DGKH: variants seen among roughly 807,000 people sequenced by gnomAD.
The protein encoded by DGKH is diacylglycerol kinase eta.
Under a neutral mutation model 159.3 loss-of-function variants are expected in DGKH, and 90 were observed. The observed-to-expected ratio is 0.57, with a 90% confidence interval of 0.48 to 0.67. The LOEUF (loss-of-function observed/expected upper bound fraction) is 0.67. Ranked by LOEUF, DGKH falls within the 30% of genes least tolerant of loss-of-function variation. The probability of loss-of-function intolerance (pLI) is 0.00; values close to 1 mark genes in which losing one functional copy is unlikely to be tolerated. For synonymous variants in DGKH, 536 were observed against 553.8 expected (o/e 0.97, Z 0.45); for missense variants, 1,181 against 1,506.1 (o/e 0.78, Z 3.57).
rs908923181 is a variant in DGKH at position 42,109,524 on chromosome 13, T to C, written c.193-17939T>C. Among the ~76,000 whole-genome samples, 3 of 151,934 alleles carry C rather than the reference T, an allele frequency of 2.0e-5. No homozygotes were observed. The South Asian group carries it at 6.2e-4, about 31-fold the overall frequency. Reference sequence around the variant, plus strand: ...AGAGGGCTTAGATTTTTTTGGCAAATGATAGAGAAATATAGAAAGATCTCA... The same window carrying C: ...AGAGGGCTTAGATTTTTTTGGCAAACGATAGAGAAATATAGAAAGATCTCA... On this transcript the variant is annotated intron_variant, in intron 1 of 29. Coordinates refer to ENST00000337343, the MANE Select transcript of DGKH (RefSeq NM_178009.5).
At position 42,091,479 on chromosome 13, in the gene DGKH, C is replaced by G. The variant is rs565108052; in HGVS notation, c.193-35984C>G. Among the ~76,000 whole-genome samples, 3 of 151,922 alleles carry G rather than the reference C, an allele frequency of 2.0e-5. No homozygotes were observed. In the South Asian group the frequency reaches 6.2e-4, roughly 32 times the overall value. On this transcript the variant is annotated intron_variant, in intron 1 of 29. Transcript: ENST00000337343. ...CAATTCAACAAAAATACAAACAACC[C>G]AATTAAAAAAATGGGCAAAGGACTT...
chr13:42,167,217 A>G (rs915996936), intron 9 of DGKH, among the ~76,000 whole-genome samples: 3 of 152,208 alleles, frequency 2.0e-5, no homozygotes, highest in Non-Finnish European at 4.4e-5. Flanking sequence ...TCACTGAGGG[A>G]AAATATACCT....
chr13:42,141,764 A>G (rs1955568626), intron 3 of DGKH, among the ~76,000 whole-genome samples: 1 of 151,864 alleles, frequency 6.6e-6, no homozygotes, highest in Non-Finnish European at 1.5e-5. Flanking sequence ...TTTTCTTGTA[A>G]GTTTGTTGGA....
intron 13 of DGKH, among the ~76,000 whole-genome samples, chr13:42,179,780 C>CAA (rs3039209): frequency 0.24 from 30,391 of 129,108 alleles, 3,967 homozygotes; most frequent in East Asian, 0.42. Flanking sequence ...GATCTTGTCT[C>CAA]AAAAAAAAAA....
At chr13:42,110,249 C>T (rs922665329) in intron 1 of DGKH, among the ~76,000 whole-genome samples, 2 of 152,146 alleles carry the variant, frequency 1.3e-5, no homozygotes, top group Non-Finnish European at 2.9e-5. Flanking sequence ...GTTTCCCATC[C>T]CACCCTTGAC....
intron 1 of DGKH, among the ~76,000 whole-genome samples, chr13:42,080,710 C>CT (rs550843050): frequency 1.0e-3 from 149 of 149,680 alleles, no homozygotes; most frequent in African/African-American, 3.1e-3. Flanking sequence ...GCCTGTCCTA[C>CT]TTTTTTTTTT....
chr13:42,069,321 G>A (rs1593981135), intron 1 of DGKH: 1 of 1,211,508 alleles, frequency 8.3e-7, no homozygotes, highest in South Asian at 1.4e-5. Context: ...GTCCCAAGAA[G>A]ATGGGTACAA....
intron 13 of DGKH, among the ~76,000 whole-genome samples, chr13:42,186,049 GTA>G (rs200140019): frequency 0.014 from 1,652 of 119,292 alleles, 12 homozygotes; most frequent in Non-Finnish European, 0.025. Flanking sequence ...GTGTGTGTGT[GTA>G]TGTCCTGTGT....
intron 7 of DGKH, among the ~76,000 whole-genome samples, chr13:42,163,016 C>CA (rs1350815482): frequency 2.1e-5 from 3 of 145,760 alleles, no homozygotes; most frequent in African/African-American, 5.1e-5. Flanking sequence ...TCCCCCCTCC[C>CA]CCAACCCCAC....
intron 8 of DGKH, among the ~76,000 whole-genome samples, chr13:42,165,902 T>G (rs1406979205): frequency 2.0e-5 from 3 of 152,030 alleles, no homozygotes; most frequent in African/African-American, 7.2e-5. Context: ...ACAACACCGG[T>G]TTTGGGATTG....
intron 1 of DGKH, among the ~76,000 whole-genome samples, chr13:42,097,640 C>T (rs117087221): frequency 0.025 from 3,849 of 152,272 alleles, 93 homozygotes; most frequent in Non-Finnish European, 0.035. Flanking sequence ...CTCCTGTTTT[C>T]AATAATATAT....
In DGKH at chr13:42,189,207, A is replaced by T. The variant is rs759582378; in HGVS notation, c.1810A>T (p.Thr604Ser). 32 of 1,614,122 alleles carry T rather than the reference A, an allele frequency of 2.0e-5. No homozygotes were observed. Among genetic ancestry groups the T allele is most frequent in the Non-Finnish European group, 2.6e-5 (31 of 1,180,054 alleles). The change falls in exon 15 of 30, where the codon ACA (threonine) becomes TCA (serine). Residue 604 changes from threonine (T) to serine (S), a missense_variant. Transcript: ENST00000337343. The part of the protein sequence containing the change: ...ESKEQLGDDV[T>S]KPSSQKAVKP... Reference sequence around the variant, plus strand: ...CAAAGAGCAGCTTGGGGATGACGTTACAAAACCTTCCTCCCAGAAAGCCGT... The same window carrying T: ...CAAAGAGCAGCTTGGGGATGACGTTTCAAAACCTTCCTCCCAGAAAGCCGT...
intron 13 of DGKH, among the ~76,000 whole-genome samples, chr13:42,179,135 G>GA (rs1176596320): frequency 6.6e-6 from 1 of 152,180 alleles, no homozygotes; most frequent in African/African-American, 2.4e-5. Context: ...TGCACAACAG[G>GA]AAAAGAATTG....
chr13:42,163,964 T>C (rs919451207), intron 7 of DGKH, among the ~76,000 whole-genome samples: 9 of 152,328 alleles, frequency 5.9e-5, no homozygotes, highest in Non-Finnish European at 1.3e-4. Context: ...TGGTAATGCC[T>C]AGGTTTTCTT....
intron 30 of DGKH, among the ~76,000 whole-genome samples, chr13:42,254,732 T>C (rs1175857062): frequency 6.6e-6 from 1 of 152,164 alleles, no homozygotes; most frequent in Non-Finnish European, 1.5e-5. Context: ...AGGCAGTATA[T>C]ATGCTTTATA....
chr13:42,181,091 A>T (rs1028945756), intron 13 of DGKH, among the ~76,000 whole-genome samples: 5 of 151,856 alleles, frequency 3.3e-5, no homozygotes, highest in Non-Finnish European at 7.4e-5. Context: ...CCTGGCTAAC[A>T]CGGTGAAACC....
intron 7 of DGKH, among the ~76,000 whole-genome samples, chr13:42,164,614 C>T (rs956085557): frequency 6.6e-6 from 1 of 152,178 alleles, no homozygotes; most frequent in African/African-American, 2.4e-5. Context: ...CAGACAAGTA[C>T]ACAAACTAAA....
intron 13 of DGKH, among the ~76,000 whole-genome samples, chr13:42,181,262 G>A (rs964158107): frequency 2.4e-5 from 3 of 124,942 alleles, no homozygotes; most frequent in Non-Finnish European, 4.8e-5. Context: ...GGGCCACAGA[G>A]CGAGACTCTG....
At chr13:42,120,093 A>G (rs1490078428) in intron 1 of DGKH, among the ~76,000 whole-genome samples, 1 of 152,214 alleles carries the variant, frequency 6.6e-6, no homozygotes, top group Non-Finnish European at 1.5e-5. Flanking sequence ...ATAGGACATT[A>G]AAGACTCTGA....
Sources: allele counts gnomAD v4.1 joint callset (sites outside exome capture counted in the v4.1 genomes callset), GRCh38; gene constraint gnomAD v4.1.1; transcripts MANE v1.5; gene names NCBI Gene and HGNC (gene_info 2026-07-23, HGNC 2026-07-21).